ZNF385B: variants seen among roughly 807,000 people sequenced by gnomAD.
ZNF385B encodes the protein zinc finger protein 385B, also known as zinc finger protein 533.
Under a neutral mutation model 39.2 loss-of-function variants are expected in ZNF385B, and 23 were observed. The observed-to-expected ratio is 0.59, with a 90% confidence interval of 0.42 to 0.83. The LOEUF (loss-of-function observed/expected upper bound fraction) is 0.83, where lower values mean the gene tolerates loss of function less well. Ranked by LOEUF, ZNF385B falls within the 40% of genes least tolerant of loss-of-function variation. The probability of loss-of-function intolerance (pLI) is 0.00; values close to 1 mark genes in which losing one functional copy is unlikely to be tolerated. For missense variants in ZNF385B, 552 were observed against 598.9 expected (o/e 0.92, Z 0.82); for synonymous variants, 205 against 222.6 (o/e 0.92, Z 0.70).
intron 3 of ZNF385B, among the ~76,000 whole-genome samples, chr2:179,662,709 T>C (rs1694640273): frequency 6.6e-6 from 1 of 152,160 alleles, no homozygotes; most frequent in Admixed American, 6.5e-5. Flanking sequence ...CCCAAAAGAA[T>C]CAGCTGCTTT....
chr2:179,746,299 G>A (rs1702378672), intron 3 of ZNF385B, among the ~76,000 whole-genome samples: 1 of 152,122 alleles, frequency 6.6e-6, no homozygotes, highest in Non-Finnish European at 1.5e-5. Flanking sequence ...TCTATATTAC[G>A]AGGACTTATA....
chr2:179,751,679 A>G (rs751595078), intron 3 of ZNF385B, among the ~76,000 whole-genome samples: 13 of 152,116 alleles, frequency 8.5e-5, no homozygotes, highest in Non-Finnish European at 1.3e-4. Context: ...ATAACAGAGG[A>G]TCCTGGGGGC....
At chr2:179,526,364 C>A (rs147154163) in intron 4 of ZNF385B, among the ~76,000 whole-genome samples, 10,485 of 151,692 alleles carry the variant, frequency 0.069, 397 homozygotes, top group Non-Finnish European at 0.08. Context: ...TTGAGGCAGG[C>A]GGATCACCTC....
chr2:179,610,945 C>T (rs1412993828), intron 3 of ZNF385B, among the ~76,000 whole-genome samples: 2 of 151,842 alleles, frequency 1.3e-5, no homozygotes, highest in Non-Finnish European at 2.9e-5. Context: ...TTTTGGTGGA[C>T]TCTTTAGGAT....
chr2:179,834,597 GA>G (rs1401372105), intron 1 of ZNF385B, among the ~76,000 whole-genome samples: 4 of 152,162 alleles, frequency 2.6e-5, no homozygotes, highest in African/African-American at 9.7e-5. Context: ...GGGAACAAGA[GA>G]AATGGAGAGT....
intron 1 of ZNF385B, among the ~76,000 whole-genome samples, chr2:179,828,005 T>C (rs1231662701): frequency 3.3e-5 from 5 of 152,228 alleles, no homozygotes; most frequent in Non-Finnish European, 7.3e-5. Context: ...TTGCTGGGTA[T>C]AACTGTAAAT....
intron 3 of ZNF385B, among the ~76,000 whole-genome samples, chr2:179,572,508 T>C (rs1685337546): frequency 6.6e-6 from 1 of 151,846 alleles, no homozygotes; most frequent in Non-Finnish European, 1.5e-5. Context: ...GAGAGACAAT[T>C]TGAGTATGAA....
At chr2:179,808,086 G>A (rs1706494277) in intron 1 of ZNF385B, among the ~76,000 whole-genome samples, 1 of 151,824 alleles carries the variant, frequency 6.6e-6, no homozygotes, top group African/African-American at 2.4e-5. Flanking sequence ...AGGCTGGAGT[G>A]CAGTGGCGGG....
At chr2:179,675,448 C>T (rs1696617881) in intron 3 of ZNF385B, among the ~76,000 whole-genome samples, 1 of 152,176 alleles carries the variant, frequency 6.6e-6, no homozygotes, top group Non-Finnish European at 1.5e-5. Flanking sequence ...ATAATCGGGT[C>T]TTTTGATAAA....
Position 179,805,675 on chromosome 2 carries a change from A to G in ZNF385B, c.-154-35003T>C, listed in dbSNP as rs575539467. On this transcript the variant is annotated intron_variant, in intron 1 of 9. Transcript: ENST00000410066. ...TGGAAATAATGAGAGTTCCTACTTC[A>G]TAGGATCCAGTTAAGGATTAAATGA... Among the ~76,000 whole-genome samples the G allele has an allele frequency of 4.6e-5, 7 of 152,288 alleles. No homozygotes were observed. The South Asian group carries it at 1.2e-3, about 27-fold the overall frequency.
intron 5 of ZNF385B, among the ~76,000 whole-genome samples, chr2:179,484,967 T>G (rs2054413564): frequency 6.6e-6 from 1 of 152,120 alleles, no homozygotes; most frequent in Non-Finnish European, 1.5e-5. Flanking sequence ...CATAGGCCTC[T>G]TGGTGGAACA....
intron 1 of ZNF385B, among the ~76,000 whole-genome samples, chr2:179,838,460 T>C (rs946540722): frequency 1.3e-5 from 2 of 152,248 alleles, no homozygotes; most frequent in African/African-American, 4.8e-5. Context: ...TAACTTCTAA[T>C]CACATGGAAG....
intron 1 of ZNF385B, among the ~76,000 whole-genome samples, chr2:179,847,849 C>T (rs1708876935): frequency 6.6e-6 from 1 of 152,154 alleles, no homozygotes; most frequent in Non-Finnish European, 1.5e-5. Context: ...CGTATGTGGT[C>T]CACATATGCT....
chr2:179,745,496 A>G (rs186175766), intron 3 of ZNF385B, among the ~76,000 whole-genome samples: 2 of 152,196 alleles, frequency 1.3e-5, no homozygotes, highest in African/African-American at 4.8e-5. Context: ...CAGCTAGCAC[A>G]GAAAGAAAGG....
intron 4 of ZNF385B, among the ~76,000 whole-genome samples, chr2:179,542,216 C>T (rs1225010364): frequency 2.0e-5 from 3 of 152,124 alleles, no homozygotes; most frequent in Non-Finnish European, 4.4e-5. Context: ...TAAATTGCAA[C>T]TCACAGGGAA....
intron 5 of ZNF385B, among the ~76,000 whole-genome samples, chr2:179,493,802 T>TATATGCATATATGTATACATATATGA (rs1491577657): frequency 7.9e-6 from 1 of 126,530 alleles, no homozygotes; most frequent in Non-Finnish European, 1.7e-5. Context: ...TACATATATG[T>TATATGCATATATGTATACATATATGA]ATATATACAT....
intron 3 of ZNF385B, among the ~76,000 whole-genome samples, chr2:179,654,017 A>C (rs947741056): frequency 6.6e-6 from 1 of 152,182 alleles, no homozygotes; most frequent in Non-Finnish European, 1.5e-5. Flanking sequence ...GCCTCAATTA[A>C]TTTTTTAGTA....
chr2:179,788,114 C>T (rs529956111), intron 1 of ZNF385B, among the ~76,000 whole-genome samples: 14 of 152,116 alleles, frequency 9.2e-5, no homozygotes, highest in Admixed American at 5.9e-4. Flanking sequence ...ATGACACTAA[C>T]GTGATTTTCA....
chr2:179,549,828 ACAGAGTAGCATTCAG>A (rs1394195698), intron 3 of ZNF385B, among the ~76,000 whole-genome samples: 1 of 149,446 alleles, frequency 6.7e-6, no homozygotes, highest in Non-Finnish European at 1.5e-5. Flanking sequence ...ATTAGGGAAG[ACAGAGTAGCATTCAG>A]CAAAAATAGA....
Sources: gnomAD v4.1 joint callset for allele counts (sites outside exome capture counted in the v4.1 genomes callset) on GRCh38, gnomAD v4.1.1 for gene constraint, MANE v1.5 for transcripts, NCBI Gene and HGNC (gene_info 2026-07-23, HGNC 2026-07-21) for gene names.